Variants in NECTIN2 observed in about 807,000 individuals in gnomAD.
The protein encoded by NECTIN2 is nectin-2.
Under a neutral mutation model 56.9 loss-of-function variants are expected in NECTIN2, and 23 were observed. The observed-to-expected ratio is 0.40, with a 90% CI of 0.29 to 0.57. The LOEUF (loss-of-function observed/expected upper bound fraction) is 0.57, where lower values mean the gene tolerates loss of function less well. Ranked by LOEUF, NECTIN2 falls within the 20% of genes least tolerant of loss-of-function variation. NECTIN2 has a pLI of 0.38. For missense variants in NECTIN2, 587 were observed against 718.3 expected, an observed-to-expected ratio of 0.82 and a Z score of 2.09; for synonymous variants, 302 against 313.8, an observed-to-expected ratio of 0.96 and a Z score of 0.40.
intron 1 of NECTIN2, among the ~76,000 whole-genome samples, chr19:44,855,088 A>G (rs1196611765): frequency 7.1e-6 from 1 of 140,278 alleles, no homozygotes; most frequent in South Asian, 2.2e-4. Context: ...GCTGCACTCC[A>G]GCCTGGGTGA....
At chr19:44,847,970 T>C (rs1968856526) in intron 1 of NECTIN2, among the ~76,000 whole-genome samples, 1 of 152,028 alleles carries the variant, frequency 6.6e-6, no homozygotes, top group Admixed American at 6.6e-5. Flanking sequence ...AAAGAGGCGC[T>C]GGCCCCGCCC....
intron 1 of NECTIN2, among the ~76,000 whole-genome samples, chr19:44,847,678 C>T (rs555030878): frequency 6.6e-6 from 1 of 152,144 alleles, no homozygotes; most frequent in African/African-American, 2.4e-5. Flanking sequence ...ACGGAGACGT[C>T]GCCGGGGAAG....
chr19:44,874,515 G>T lies in NECTIN2; in HGVS notation c.1042+37G>T. 6.2e-7 allele frequency: 1 copy of T among 1,608,044 alleles called. No homozygotes were observed. The highest frequency in any genetic ancestry group is 8.5e-7 in the Non-Finnish European group (1 of 1,179,598). On this transcript the variant is annotated intron_variant, in intron 5 of 8. Coordinates refer to ENST00000252483, the MANE Select transcript of NECTIN2 (RefSeq NM_001042724.2). The surrounding 1 kb of genome is among the most constrained non-coding windows in gnomAD (Gnocchi z 6.3). ...TTGGGGGCCGTGTGTGGAGACCTGGGTCCGCTCCCCTGGAGTTCTGCCCTT... is the reference window on the plus strand; with the variant it reads ...TTGGGGGCCGTGTGTGGAGACCTGGTTCCGCTCCCCTGGAGTTCTGCCCTT...
At chr19:44,877,721 A>G (rs1969256009) in intron 5 of NECTIN2, among the ~76,000 whole-genome samples, 1 of 152,230 alleles carries the variant, frequency 6.6e-6, no homozygotes, top group East Asian at 1.9e-4. Flanking sequence ...AGGACCCCAC[A>G]GCACATTCAG....
intron 6 of NECTIN2, among the ~76,000 whole-genome samples, chr19:44,884,062 A>G (rs1969334966): frequency 6.6e-6 from 1 of 151,864 alleles, no homozygotes; most frequent in Non-Finnish European, 1.5e-5. Context: ...GTGAGCTATG[A>G]TCACACCACT....
chr19:44,848,143 A>G (rs1382340484), intron 1 of NECTIN2, among the ~76,000 whole-genome samples: 1 of 151,960 alleles, frequency 6.6e-6, no homozygotes, highest in Non-Finnish European at 1.5e-5. Flanking sequence ...CCCAGCTTTG[A>G]CCCAGAGCTG....
chr19:44,863,661 G>A (rs1032774273), intron 1 of NECTIN2, among the ~76,000 whole-genome samples: 5 of 141,786 alleles, frequency 3.5e-5, no homozygotes, highest in African/African-American at 9.2e-5. Context: ...CCTGGCCAAC[G>A]TGGTGAAAGC....
intron 1 of NECTIN2, among the ~76,000 whole-genome samples, chr19:44,847,083 C>T (rs914349389): frequency 4.6e-5 from 7 of 152,112 alleles, no homozygotes; most frequent in African/African-American, 1.4e-4. Flanking sequence ...CCCTATTTTT[C>T]CTTCTTCCCG....
chr19:44,859,802 G>C (rs1969010933), intron 1 of NECTIN2, among the ~76,000 whole-genome samples: 1 of 151,172 alleles, frequency 6.6e-6, no homozygotes, highest in Non-Finnish European at 1.5e-5. Flanking sequence ...TCCAACCTGG[G>C]TGACAGAGCA....
In NECTIN2 at chr19:44,888,525, T is replaced by C. The variant is rs1969386417; in HGVS notation, c.*146T>C. The C allele has an allele frequency of 1.2e-6, 1 of 854,368 alleles. No individual in the cohort carries two copies. 52.9% of individuals were successfully genotyped at this position (854,368 alleles called of 1,614,324 possible). ...GTGATGTCTACCTTGGTGGCTCCAC[T>C]ATGACCCCTAACCCATGAGCCCAGA... On this transcript the variant is annotated 3_prime_UTR_variant, in exon 9 of 9. Transcript: ENST00000252483.
Position 44,865,443 on chromosome 19 carries a change from T to G in NECTIN2, c.261T>G (p.Pro87=), listed in dbSNP as rs1174109051. ...ACCAGAATGTGGCCGCCTTCCACCC[T>G]AAGATGGGTCCCAGCTTCCCCAGCC... ...ANHQNVAAFH[P]KMGPSFPSPK... The change falls in exon 2 of 9, where the codon CCT becomes CCG. Residue 87 remains proline, a synonymous_variant. Coordinates refer to ENST00000252483, the MANE Select transcript of NECTIN2 (RefSeq NM_001042724.2). This position sits in a 1 kb window ranked among gnomAD's most constrained non-coding sequence, Gnocchi z 5.2. 6.2e-7 allele frequency: 1 copy of G among 1,613,978 alleles called. No homozygotes were observed. The highest frequency in any genetic ancestry group is 1.3e-5 in the African/African-American group (1 of 74,912).
In NECTIN2 at chr19:44,867,104, C is replaced by T. The variant is rs564105608; in HGVS notation, c.478+1444C>T. ...CGCGATCTCGGCTCACTGCAACCTC[C>T]GCCTCCCAGGTTCAACCAATTCTCC... is the stretch of plus-strand genomic sequence containing the variant. On this transcript the variant is annotated intron_variant, in intron 2 of 8. Transcript: ENST00000252483. Among the ~76,000 whole-genome samples, 16 of 152,062 alleles carry T rather than the reference C, an allele frequency of 1.1e-4. No individual in the cohort carries two copies. In the South Asian group the frequency reaches 1.9e-3, roughly 18 times the overall value.
intron 5 of NECTIN2, chr19:44,878,974 T>G: frequency 1.0e-6 from 1 of 986,802 alleles, no homozygotes; most frequent in Non-Finnish European, 1.2e-6. Flanking sequence ...ACCCCCTCCT[T>G]GCATGTTGGG....
chr19:44,865,724 C>A lies in NECTIN2; in HGVS notation c.478+64C>A, dbSNP rs535550810. The A allele has an allele frequency of 1.3e-5, 18 of 1,432,972 alleles. No individual in the cohort carries two copies. The highest frequency in any genetic ancestry group is 2.9e-5 in the South Asian group (2 of 68,620). The allele number at this position is 1,432,972 out of a possible 1,614,324, so 88.8% of individuals were successfully genotyped here. ...GCCGCGGTGTGGGAGCATCCCCTTG[C>A]GGGTCAGTTTCTCTCTTGGCTTCAG... On this transcript the variant is annotated intron_variant, in intron 2 of 8. Transcript: ENST00000252483. This position sits in a 1 kb window ranked among gnomAD's most constrained non-coding sequence, Gnocchi z 5.2.
chr19:44,878,445 T>A, intron 5 of NECTIN2: 1 of 1,599,878 alleles, frequency 6.3e-7, no homozygotes, highest in Non-Finnish European at 8.5e-7. Flanking sequence ...GACCCCGTCT[T>A]CTGGACACCA....
chr19:44,874,578 G>A lies in NECTIN2; in HGVS notation c.1042+100G>A, dbSNP rs1418490006. 9.6e-6 allele frequency: 14 copies of A among 1,450,888 alleles called. No individual in the cohort carries two copies. Among genetic ancestry groups the A allele is most frequent in the South Asian group, 2.4e-5 (2 of 82,160 alleles). 89.9% of individuals were successfully genotyped at this position (1,450,888 alleles called of 1,614,324 possible). A position where few individuals can be genotyped will look rare whatever the true frequency, so the allele number is the denominator to read the frequency against. ...CTGCACTGGGGGAGGCTGCGCCGCCGACCTGGGAGGGATGCAGACCTGCCT... is the reference window on the plus strand; with the variant it reads ...CTGCACTGGGGGAGGCTGCGCCGCCAACCTGGGAGGGATGCAGACCTGCCT... On this transcript the variant is annotated intron_variant, in intron 5 of 8. Coordinates refer to ENST00000252483, the MANE Select transcript of NECTIN2 (RefSeq NM_001042724.2). This position sits in a 1 kb window ranked among gnomAD's most constrained non-coding sequence, Gnocchi z 6.3.
intron 1 of NECTIN2, among the ~76,000 whole-genome samples, chr19:44,858,482 C>G (rs1429176639): frequency 2.0e-5 from 3 of 152,002 alleles, no homozygotes; most frequent in Non-Finnish European, 4.4e-5. Flanking sequence ...GCCACCACGC[C>G]CAGCTAATTT....
At chr19:44,872,761 C>A (rs1381445854) in intron 3 of NECTIN2, among the ~76,000 whole-genome samples, 1 of 146,406 alleles carries the variant, frequency 6.8e-6, no homozygotes, top group Non-Finnish European at 1.5e-5. Context: ...CTACACCGAC[C>A]CCTGATCCTT....
At chr19:44,881,522 TCA>T (rs1491535378) in intron 5 of NECTIN2, among the ~76,000 whole-genome samples, 57 of 121,016 alleles carry the variant, frequency 4.7e-4, no homozygotes, top group Admixed American at 7.0e-4. Flanking sequence ...ACAAAAAAAT[TCA>T]AAAAAAAAAA....
Sources: gnomAD v4.1 joint callset for allele counts (sites outside exome capture counted in the v4.1 genomes callset) on GRCh38, gnomAD v4.1.1 for gene constraint, Gnocchi (gnomAD v3.1) non-coding constraint, MANE v1.5 for transcripts, NCBI Gene and HGNC (gene_info 2026-07-23, HGNC 2026-07-21) for gene names.